The following GPC5 variants were observed in gnomAD, a reference collection of about 807,000 sequenced individuals.
GPC5 encodes glypican 5.
A neutral mutation model predicts 53.9 loss-of-function variants in GPC5; 47 were observed. The observed-to-expected ratio is 0.87, with a 90% CI of 0.69 to 1.11. The LOEUF is 1.11. Ranked by LOEUF, GPC5 falls within the 50% of genes most tolerant of loss-of-function variation. GPC5 has a pLI of 0.00. For synonymous variants in GPC5, 286 were observed against 263.3 expected, an observed-to-expected ratio of 1.09 and a Z score of -0.84; for missense variants, 748 against 713.1, an observed-to-expected ratio of 1.05 and a Z score of -0.56.
chr13:92,269,597 G>A (rs2042826249), intron 7 of GPC5, among the ~76,000 whole-genome samples: 1 of 151,924 alleles, frequency 6.6e-6, no homozygotes, highest in Non-Finnish European at 1.5e-5. Flanking sequence ...TAGTAGAGAC[G>A]GGATTTCACC....
chr13:91,478,837 ATATATACACAT>A lies in GPC5; in HGVS notation c.325+29922_325+29932del, dbSNP rs1245725379. On this transcript the variant is annotated intron_variant, in intron 2 of 7. Coordinates refer to ENST00000377067, the MANE Select transcript of GPC5 (RefSeq NM_004466.6). ...TATATATATATACACACACACACAT[ATATATACACAT>A]TATATATATATACACACACATATAT... 3.7e-4 allele frequency among the ~76,000 whole-genome samples: 47 copies of A among 127,898 alleles called. 1 individual carries two copies. Among genetic ancestry groups the A allele is most frequent in the African/African-American group, 7.1e-4 (24 of 33,664 alleles). The allele number at this position is 127,898 out of a possible 152,430, so 83.9% of individuals were successfully genotyped here.
chr13:92,324,104 A>G (rs2043234219), intron 7 of GPC5, among the ~76,000 whole-genome samples: 1 of 151,988 alleles, frequency 6.6e-6, no homozygotes, highest in African/African-American at 2.4e-5. Flanking sequence ...AAGATTTATG[A>G]ATGAATAAGT....
At chr13:91,403,129 A>T (rs1390160265) in intron 1 of GPC5, among the ~76,000 whole-genome samples, 1 of 152,248 alleles carries the variant, frequency 6.6e-6, no homozygotes, top group African/African-American at 2.4e-5. Flanking sequence ...TGCTGTTTGA[A>T]CAACGTGTTT....
intron 7 of GPC5, among the ~76,000 whole-genome samples, chr13:92,717,387 T>TTAAC (rs147263639): frequency 1.8e-3 from 276 of 152,280 alleles, no homozygotes; most frequent in African/African-American, 6.4e-3. Context: ...AATATTTACT[T>TTAAC]TAACTTTTTG....
intron 7 of GPC5, among the ~76,000 whole-genome samples, chr13:92,368,746 G>A (rs936864651): frequency 2.0e-5 from 3 of 150,370 alleles, no homozygotes; most frequent in African/African-American, 7.3e-5. Flanking sequence ...AATAGTACAT[G>A]TGCAAAATAC....
chr13:92,255,347 CAAT>C (rs2139133939), intron 7 of GPC5, among the ~76,000 whole-genome samples: 1 of 152,236 alleles, frequency 6.6e-6, no homozygotes, highest in East Asian at 1.9e-4. Context: ...CATAAAACAA[CAAT>C]GTGATTCGTC....
intron 2 of GPC5, among the ~76,000 whole-genome samples, chr13:91,455,379 A>G (rs1881471342): frequency 6.6e-6 from 1 of 152,130 alleles, no homozygotes; most frequent in Admixed American, 6.6e-5. Flanking sequence ...TATTGTCAGA[A>G]TTTTAAAAGT....
intron 2 of GPC5, among the ~76,000 whole-genome samples, chr13:91,547,593 A>G (rs1388786930): frequency 6.6e-6 from 1 of 152,112 alleles, no homozygotes; most frequent in Non-Finnish European, 1.5e-5. Flanking sequence ...AATTCTCTAC[A>G]ACATCTTTCA....
chr13:92,409,979 T>A (rs986933310), intron 7 of GPC5, among the ~76,000 whole-genome samples: 3 of 152,202 alleles, frequency 2.0e-5, no homozygotes, highest in African/African-American at 4.8e-5. Context: ...TATGTGTGTG[T>A]ATGCACACGC....
intron 7 of GPC5, among the ~76,000 whole-genome samples, chr13:92,293,381 C>T (rs537746982): frequency 1.3e-4 from 18 of 135,778 alleles, no homozygotes; most frequent in Middle Eastern, 3.9e-3. Context: ...GGTCTTTCAC[C>T]TCTTTGGTTA....
intron 7 of GPC5, among the ~76,000 whole-genome samples, chr13:92,701,741 TTATCTCA>T (rs1887749958): frequency 6.6e-6 from 1 of 152,250 alleles, no homozygotes; most frequent in East Asian, 1.9e-4. Context: ...TCATATTCCT[TTATCTCA>T]TAATCCACAT....
At chr13:92,473,768 T>G (rs1431633547) in intron 7 of GPC5, among the ~76,000 whole-genome samples, 1 of 152,114 alleles carries the variant, frequency 6.6e-6, no homozygotes, top group African/African-American at 2.4e-5. Flanking sequence ...ATAAAATTAC[T>G]GCTCTATTGC....
intron 7 of GPC5, among the ~76,000 whole-genome samples, chr13:92,342,793 C>T (rs896969100): frequency 6.6e-6 from 1 of 152,010 alleles, no homozygotes; most frequent in African/African-American, 2.4e-5. Context: ...AGATAATGTT[C>T]TAATTTCTAA....
chr13:92,625,394 T>C lies in GPC5; in HGVS notation c.1562-240888T>C, dbSNP rs1199872600. ...ACCACCAGGAAATTGTTACTGACTA[T>C]ATAACATCTGAGTTGAAAACTGATT... On this transcript the variant is annotated intron_variant, in intron 7 of 7. Transcript: ENST00000377067. 3.9e-5 allele frequency among the ~76,000 whole-genome samples: 6 copies of C among 152,348 alleles called. No homozygotes were observed. The East Asian group carries it at 7.7e-4, about 20-fold the overall frequency.
intron 2 of GPC5, among the ~76,000 whole-genome samples, chr13:91,515,492 G>T (rs190077930): frequency 6.6e-6 from 1 of 152,116 alleles, no homozygotes; most frequent in Non-Finnish European, 1.5e-5. Context: ...TACATAAAAG[G>T]CTACAGAGGC....
At chr13:91,685,557 C>T (rs772974460) in intron 2 of GPC5, among the ~76,000 whole-genome samples, 1 of 152,170 alleles carries the variant, frequency 6.6e-6, no homozygotes, top group Non-Finnish European at 1.5e-5. Flanking sequence ...TTTTATCCCT[C>T]TGTAATACCT....
chr13:92,611,368 T>C (rs1008208854), intron 7 of GPC5, among the ~76,000 whole-genome samples: 1 of 152,166 alleles, frequency 6.6e-6, no homozygotes, highest in East Asian at 1.9e-4. Flanking sequence ...ACTTTTTCTT[T>C]CCCTTTGTCT....
intron 7 of GPC5, among the ~76,000 whole-genome samples, chr13:92,197,783 T>A (rs1184700651): frequency 2.6e-5 from 4 of 151,960 alleles, no homozygotes; most frequent in Non-Finnish European, 5.9e-5. Context: ...CCCAAAGTCC[T>A]AGGATTACAG....
chr13:92,494,274 A>C lies in GPC5; in HGVS notation c.1561+349285A>C, dbSNP rs568678868. Among the ~76,000 whole-genome samples the C allele has an allele frequency of 2.4e-3, 369 of 152,272 alleles. 1 individual carries two copies. The highest frequency in any genetic ancestry group is 8.1e-3 in the African/African-American group (338 of 41,556). On this transcript the variant is annotated intron_variant, in intron 7 of 7. Coordinates refer to ENST00000377067, the MANE Select transcript of GPC5 (RefSeq NM_004466.6). The stretch of plus-strand genomic sequence containing the variant: ...CCGGCTAATTTTTTGTATCTTTAGT[A>C]GAGACGGGGTTTCACCGTGTTAGCC...
Sources: gnomAD v4.1 joint callset for allele counts (sites outside exome capture counted in the v4.1 genomes callset) on GRCh38, gnomAD v4.1.1 for gene constraint, MANE v1.5 for transcripts, NCBI Gene and HGNC (gene_info 2026-07-23, HGNC 2026-07-21) for gene names.